OSBPL8: variants seen among roughly 807,000 people sequenced by gnomAD.
The protein encoded by OSBPL8 is oxysterol-binding protein-related protein 8.
A neutral mutation model predicts 125.5 loss-of-function variants in OSBPL8; 59 were observed. The ratio of observed to expected loss-of-function variants is 0.47; its 90% confidence interval spans 0.38 to 0.58. The LOEUF is 0.58. OSBPL8 is among the 20% of genes least tolerant of loss of function. OSBPL8 has a pLI of 0.00. For missense variants in OSBPL8, 758 were observed against 1,047.8 expected, an observed-to-expected ratio of 0.72 and a Z score of 3.82; for synonymous variants, 330 against 338.9, an observed-to-expected ratio of 0.97 and a Z score of 0.29.
intron 1 of OSBPL8, among the ~76,000 whole-genome samples, chr12:76,523,798 C>T (rs1195735140): frequency 1.3e-5 from 2 of 152,166 alleles, no homozygotes; most frequent in Non-Finnish European, 2.9e-5. Flanking sequence ...ATCTAGTCTA[C>T]AGTATTTTAT....
intron 4 of OSBPL8, among the ~76,000 whole-genome samples, chr12:76,444,203 T>A (rs983627623): frequency 9.9e-5 from 15 of 152,160 alleles, no homozygotes; most frequent in Non-Finnish European, 1.6e-4. Flanking sequence ...GAAACATGAA[T>A]GAGAATAGAT....
At position 76,546,040 on chromosome 12, in the gene OSBPL8, CAT is replaced by C. The variant is rs140212396; in HGVS notation, c.-68+13355_-68+13356del. On this transcript the variant is annotated intron_variant, in intron 1 of 23. Coordinates refer to ENST00000261183, the MANE Select transcript of OSBPL8 (RefSeq NM_020841.5). ...GGATTCGTAAGATGTTAAAACCACA[CAT>C]GTCGAGGGCTGACATTTACAATACG... 2.8e-3 allele frequency among the ~76,000 whole-genome samples: 431 copies of C among 152,254 alleles called. 4 individuals carry two copies. Among genetic ancestry groups the C allele is most frequent in the African/African-American group, 9.6e-3 (400 of 41,534 alleles).
chr12:76,505,694 G>A (rs925469522), intron 1 of OSBPL8, among the ~76,000 whole-genome samples: 1 of 151,818 alleles, frequency 6.6e-6, no homozygotes, highest in African/African-American at 2.4e-5. Context: ...ACCCTTCCAA[G>A]CAGAAAAGGA....
At chr12:76,517,447 T>C (rs1473941700) in intron 1 of OSBPL8, among the ~76,000 whole-genome samples, 4 of 152,206 alleles carry the variant, frequency 2.6e-5, no homozygotes, top group Middle Eastern at 3.2e-3. Flanking sequence ...AAATGTTTAT[T>C]AATGTATTCA....
Position 76,402,764 on chromosome 12 carries a change from A to T in OSBPL8, c.291T>A (p.Ser97=). 1 of 1,585,572 alleles carries T rather than the reference A, an allele frequency of 6.3e-7. No individual in the cohort carries two copies. The change falls in exon 6 of 24, where the codon TCT becomes TCA. Residue 97 remains serine, a splice_region_variant and synonymous_variant. Coordinates refer to ENST00000261183, the MANE Select transcript of OSBPL8 (RefSeq NM_020841.5). ...ESSLSMSKSK[S]ESKLYNGSEK... is the part of the protein sequence containing the mutation. ...CTGAGCCATTATAAAGTTTAGATTC[A>T]GACTGAAATCATACAGAAACAAGAG...
At chr12:76,445,847 G>A (rs922331145) in intron 4 of OSBPL8, among the ~76,000 whole-genome samples, 1 of 151,998 alleles carries the variant, frequency 6.6e-6, no homozygotes, top group Non-Finnish European at 1.5e-5. Flanking sequence ...TGCACTCCTA[G>A]GTACTACCCC....
At chr12:76,477,689 T>C (rs1209388264) in intron 2 of OSBPL8, among the ~76,000 whole-genome samples, 3 of 152,222 alleles carry the variant, frequency 2.0e-5, no homozygotes, top group Admixed American at 6.5e-5. Flanking sequence ...GAATCAAGTA[T>C]GGATTTCTGT....
chr12:76,428,172 C>A (rs1285555276), intron 4 of OSBPL8, among the ~76,000 whole-genome samples: 1 of 151,922 alleles, frequency 6.6e-6, no homozygotes, highest in Non-Finnish European at 1.5e-5. Flanking sequence ...CTACATATAT[C>A]ATATATGGTC....
At chr12:76,420,411 G>C (rs931700687) in intron 4 of OSBPL8, among the ~76,000 whole-genome samples, 1 of 152,048 alleles carries the variant, frequency 6.6e-6, no homozygotes, top group Non-Finnish European at 1.5e-5. Flanking sequence ...CTGAGATCAA[G>C]AGATAGATAA....
intron 1 of OSBPL8, among the ~76,000 whole-genome samples, chr12:76,552,150 C>A (rs1424109437): frequency 6.6e-6 from 1 of 152,064 alleles, no homozygotes; most frequent in Non-Finnish European, 1.5e-5. Flanking sequence ...TAGTGGCAGG[C>A]ACAGTGGCTC....
At chr12:76,479,345 C>T (rs577923740) in intron 2 of OSBPL8, among the ~76,000 whole-genome samples, 1 of 152,194 alleles carries the variant, frequency 6.6e-6, no homozygotes, top group East Asian at 1.9e-4. Context: ...TACATGCACA[C>T]AAAATTTTTT....
At chr12:76,549,022 G>A (rs1950863940) in intron 1 of OSBPL8, among the ~76,000 whole-genome samples, 2 of 151,966 alleles carry the variant, frequency 1.3e-5, no homozygotes, top group African/African-American at 4.8e-5. Context: ...ACAACATAGT[G>A]TAAAAATGGT....
intron 8 of OSBPL8, among the ~76,000 whole-genome samples, chr12:76,396,278 A>G (rs1354513915): frequency 3.7e-4 from 57 of 152,210 alleles, no homozygotes. Context: ...AAAAAGTCCA[A>G]GTCTTTTCCT....
Position 76,514,988 on chromosome 12 carries a change from C to T in OSBPL8, c.-67-27370G>A, listed in dbSNP as rs139107486. ...GAAATTCTTATACTGTGTTATTCAG[C>T]TCTGTCAGATTAATTAGGTTCTTTT... On this transcript the variant is annotated intron_variant, in intron 1 of 23. Coordinates refer to ENST00000261183, the MANE Select transcript of OSBPL8 (RefSeq NM_020841.5). Among the ~76,000 whole-genome samples, 82 of 152,320 alleles carry T rather than the reference C, an allele frequency of 5.4e-4. 1 individual carries two copies. Among genetic ancestry groups the T allele is most frequent in the Middle Eastern group, 6.8e-3 (2 of 294 alleles).
intron 1 of OSBPL8, among the ~76,000 whole-genome samples, chr12:76,509,096 T>C (rs1592816521): frequency 6.6e-6 from 1 of 152,196 alleles, no homozygotes; most frequent in African/African-American, 2.4e-5. Context: ...ACAAGGTCAA[T>C]AGTGCAAAGC....
chr12:76,365,637 G>A (rs1170620087), intron 21 of OSBPL8, among the ~76,000 whole-genome samples: 1 of 152,112 alleles, frequency 6.6e-6, no homozygotes, highest in Non-Finnish European at 1.5e-5. Context: ...ACAATGGTAA[G>A]TAGGAGTGGT....
chr12:76,557,497 C>G (rs1472369724), intron 1 of OSBPL8, among the ~76,000 whole-genome samples: 2 of 151,846 alleles, frequency 1.3e-5, no homozygotes, highest in Non-Finnish European at 2.9e-5. Flanking sequence ...CACCTGTAAT[C>G]CCAGCTACTC....
chr12:76,488,833 C>T (rs1878427173), intron 1 of OSBPL8, among the ~76,000 whole-genome samples: 1 of 152,186 alleles, frequency 6.6e-6, no homozygotes, highest in Non-Finnish European at 1.5e-5. Context: ...GGAAGACCCA[C>T]ATATTTCACT....
At chr12:76,366,118 T>G (rs1015816359) in intron 21 of OSBPL8, among the ~76,000 whole-genome samples, 1 of 152,248 alleles carries the variant, frequency 6.6e-6, no homozygotes. Flanking sequence ...TTAGGAAATG[T>G]TCCCATCTCT....
Sources: gnomAD v4.1 joint callset for allele counts (sites outside exome capture counted in the v4.1 genomes callset) on GRCh38, gnomAD v4.1.1 for gene constraint, MANE v1.5 for transcripts, NCBI Gene and HGNC (gene_info 2026-07-23, HGNC 2026-07-21) for gene names.